PTPRD: variants seen among roughly 807,000 people sequenced by gnomAD.
PTPRD encodes protein tyrosine phosphatase receptor type D.
Under a neutral mutation model 214.5 loss-of-function variants are expected in PTPRD, and 34 were observed. That is an observed-to-expected ratio of 0.16 (90% CI 0.12 to 0.21). PTPRD has a LOEUF of 0.21. Ranked by LOEUF, PTPRD falls within the 10% of genes least tolerant of loss-of-function variation. The pLI is 1.00. For synonymous variants in PTPRD, 1,128 were observed against 845.7 expected, an observed-to-expected ratio of 1.33 and a Z score of -5.79; for missense variants, 2,545 against 2,398.7, an observed-to-expected ratio of 1.06 and a Z score of -1.27.
rs1407336366 is a variant in PTPRD at position 8,449,803 on chromosome 9, T to C, written c.3910A>G (p.Ile1304Val). The C allele has an allele frequency of 6.2e-7, 1 of 1,614,086 alleles. No individual in the cohort carries two copies. The highest frequency in any genetic ancestry group is 1.7e-5 in the Admixed American group (1 of 60,012). ...RAESDSRKSS[I>V]PNNKEIPSHH... ...GAAGGGATCTCCTTATTGTTCGGTA[T>C]GCTGCTTTTTCTAGAGTCGGACTCT... is the stretch of plus-strand genomic sequence containing the variant. The change falls in exon 34 of 46, where the codon ATA (isoleucine) becomes GTA (valine). Residue 1304 changes from isoleucine (I) to valine (V), a missense_variant. Transcript: ENST00000381196.
rs929927617 is a variant in PTPRD, at chr9:8,346,631, C to T, written c.4662-4653G>A. Among the ~76,000 whole-genome samples, 13 of 152,070 alleles carry T rather than the reference C, an allele frequency of 8.5e-5. No homozygotes were observed. In the East Asian group the frequency reaches 2.1e-3, roughly 25 times the overall value. ...CCTGTTAGTCACTTAGTAGCCATCTCGGTTATCCGATGGACTGCCCTGGTA... is the reference window on the plus strand; with the variant it reads ...CCTGTTAGTCACTTAGTAGCCATCTTGGTTATCCGATGGACTGCCCTGGTA... On this transcript the variant is annotated intron_variant, in intron 39 of 45. Coordinates refer to ENST00000381196, the MANE Select transcript of PTPRD (RefSeq NM_002839.4).
intron 2 of PTPRD, among the ~76,000 whole-genome samples, chr9:10,396,238 C>T (rs1037397402): frequency 6.6e-5 from 10 of 151,970 alleles, no homozygotes; most frequent in Admixed American, 2.6e-4. Context: ...TTAGGACCCT[C>T]TAGACTTTAT....
intron 2 of PTPRD, among the ~76,000 whole-genome samples, chr9:10,572,707 T>C (rs757737244): frequency 2.0e-5 from 3 of 152,138 alleles, no homozygotes; most frequent in Non-Finnish European, 2.9e-5. Flanking sequence ...TTATTCTATG[T>C]ACTCAACTCT....
At chr9:9,034,957 G>T (rs907005108) in intron 10 of PTPRD, among the ~76,000 whole-genome samples, 1 of 152,130 alleles carries the variant, frequency 6.6e-6, no homozygotes, top group Non-Finnish European at 1.5e-5. Context: ...CTTGGTCTGA[G>T]TTATTCAGAA....
rs567688201 is a variant in PTPRD, at chr9:9,280,733, C to T, written c.-202-97370G>A. ...CTTGATTTATAGACTTAATACAATC[C>T]TAATAAAAATCTCAATAACTCATTT... On this transcript the variant is annotated intron_variant, in intron 9 of 45. Coordinates refer to ENST00000381196, the MANE Select transcript of PTPRD (RefSeq NM_002839.4). 4.8e-3 allele frequency among the ~76,000 whole-genome samples: 730 copies of T among 151,196 alleles called. 4 individuals are homozygous for T. The highest frequency in any genetic ancestry group is 0.017 in the African/African-American group (698 of 41,406).
At chr9:9,306,622 C>T (rs1003080611) in intron 9 of PTPRD, among the ~76,000 whole-genome samples, 1 of 150,102 alleles carries the variant, frequency 6.7e-6, no homozygotes, top group Non-Finnish European at 1.5e-5. Flanking sequence ...CAATAATATC[C>T]TCTGAATATA....
At chr9:9,765,638 C>A (rs1377372856) in intron 6 of PTPRD, among the ~76,000 whole-genome samples, 1 of 152,102 alleles carries the variant, frequency 6.6e-6, no homozygotes, top group African/African-American at 2.4e-5. Flanking sequence ...CTACCTAATC[C>A]TGAAGCTTAC....
At chr9:9,970,462 G>GAAAAA (rs147601049) in intron 4 of PTPRD, among the ~76,000 whole-genome samples, 3 of 144,454 alleles carry the variant, frequency 2.1e-5, no homozygotes, top group African/African-American at 7.9e-5. Flanking sequence ...AAAAGAAAAA[G>GAAAAA]AAAAAAAAAA....
At chr9:9,538,701 A>T (rs1393377729) in intron 8 of PTPRD, among the ~76,000 whole-genome samples, 2 of 151,948 alleles carry the variant, frequency 1.3e-5, no homozygotes, top group African/African-American at 4.8e-5. Flanking sequence ...TTTTAAATCG[A>T]TATTGATACA....
Position 9,927,906 on chromosome 9 carries a change from G to T in PTPRD, c.-368+10601C>A, listed in dbSNP as rs549150028. On this transcript the variant is annotated intron_variant, in intron 5 of 45. Transcript: ENST00000381196. ...GAAAATGCAGTTGAGAGGTTGGCGA[G>T]TAGAAAGCTAATTCACTCAGATTTT... is the stretch of plus-strand genomic sequence containing the variant. Among the ~76,000 whole-genome samples the T allele has an allele frequency of 3.2e-4, 49 of 152,244 alleles. 1 individual carries two copies. The highest frequency in any genetic ancestry group is 4.4e-5 in the Non-Finnish European group (3 of 67,964).
chr9:10,524,462 T>C (rs1214014259), intron 2 of PTPRD, among the ~76,000 whole-genome samples: 1 of 151,704 alleles, frequency 6.6e-6, no homozygotes, highest in East Asian at 1.9e-4. Context: ...CTTAATAAAA[T>C]AGGAAAATGA....
intron 7 of PTPRD, among the ~76,000 whole-genome samples, chr9:9,597,259 GT>G (rs1270750650): frequency 6.6e-6 from 1 of 152,062 alleles, no homozygotes; most frequent in East Asian, 1.9e-4. Flanking sequence ...TCCCATCAAA[GT>G]GGGAAAGGGA....
At chr9:8,544,237 G>A (rs1343109263) in intron 14 of PTPRD, among the ~76,000 whole-genome samples, 4 of 142,796 alleles carry the variant, frequency 2.8e-5, no homozygotes, top group African/African-American at 7.9e-5. Flanking sequence ...TGCCATCTTG[G>A]CTCACTGCAA....
rs539628075 is a variant in PTPRD at position 9,461,723 on chromosome 9, G to C, written c.-236-64241C>G. On this transcript the variant is annotated intron_variant, in intron 8 of 45. Coordinates refer to ENST00000381196, the MANE Select transcript of PTPRD (RefSeq NM_002839.4). Reference sequence around the variant, plus strand: ...AAAATTGTTCATAACCTCTATGTTAGGAATTTATGGGCCAGATTGAGGCAG... The same window carrying C: ...AAAATTGTTCATAACCTCTATGTTACGAATTTATGGGCCAGATTGAGGCAG... 1.7e-3 allele frequency among the ~76,000 whole-genome samples: 254 copies of C among 152,188 alleles called. 1 individual carries two copies. Among genetic ancestry groups the C allele is most frequent in the Non-Finnish European group, 2.7e-3 (185 of 67,990 alleles).
At chr9:9,398,407 G>A (rs2068750369) in intron 8 of PTPRD, among the ~76,000 whole-genome samples, 1 of 151,990 alleles carries the variant, frequency 6.6e-6, no homozygotes. Context: ...TCTGAAATAG[G>A]AGATGTCCAG....
At chr9:10,172,201 T>C (rs1020140637) in intron 3 of PTPRD, among the ~76,000 whole-genome samples, 1 of 152,142 alleles carries the variant, frequency 6.6e-6, no homozygotes, top group Non-Finnish European at 1.5e-5. Context: ...GTATAAATTA[T>C]CGTCTGTTTT....
chr9:8,768,619 C>T (rs868833625), intron 11 of PTPRD, among the ~76,000 whole-genome samples: 11 of 152,054 alleles, frequency 7.2e-5, no homozygotes, highest in African/African-American at 2.4e-4. Context: ...CAAAATGACA[C>T]CCAGCTAAAA....
At chr9:9,139,631 G>T (rs1201651802) in intron 10 of PTPRD, among the ~76,000 whole-genome samples, 8 of 152,314 alleles carry the variant, frequency 5.3e-5, no homozygotes, top group Non-Finnish European at 1.0e-4. Flanking sequence ...TTCATGTCCT[G>T]GGTGGGAAGG....
rs144502787 is a variant in PTPRD, at chr9:9,146,255, AT to A, written c.-143+37048del. 3.4e-3 allele frequency among the ~76,000 whole-genome samples: 517 copies of A among 150,318 alleles called. 11 individuals are homozygous for A. In the East Asian group the frequency reaches 0.051, roughly 15 times the overall value. ...GTGCATGGCTAAAAGTAAATTTGTT[AT>A]TTTTTTTTTAAATTTAATTCTACTG... is the stretch of plus-strand genomic sequence containing the variant. On this transcript the variant is annotated intron_variant, in intron 10 of 45. Transcript: ENST00000381196.
Sources: gnomAD v4.1 joint callset for allele counts (sites outside exome capture counted in the v4.1 genomes callset) on GRCh38, gnomAD v4.1.1 for gene constraint, MANE v1.5 for transcripts, NCBI Gene and HGNC (gene_info 2026-07-23, HGNC 2026-07-21) for gene names.